Variants in DNAI4 observed in about 807,000 individuals in gnomAD.
DNAI4 encodes dynein axonemal intermediate chain 4.
DNAI4 carries 85 observed loss-of-function variants against 105.8 expected under a neutral mutation model. That is an observed-to-expected ratio of 0.80 (90% CI 0.67 to 0.96). The LOEUF (loss-of-function observed/expected upper bound fraction) is 0.96, where lower values mean the gene tolerates loss of function less well. Among genes scored for constraint, DNAI4 ranks in the 40% least tolerant of loss-of-function variants. The pLI, the probability that DNAI4 is intolerant of heterozygous loss-of-function variation, is 0.00. For missense variants in DNAI4, 1,014 were observed against 1,005.6 expected, an observed-to-expected ratio of 1.01 and a Z score of -0.11; for synonymous variants, 352 against 331.5, an observed-to-expected ratio of 1.06 and a Z score of -0.67.
rs1646063597 is a variant in DNAI4, at chr1:66,837,855, A to T, written c.1495-59T>A. On this transcript the variant is annotated intron_variant, in intron 9 of 16. Coordinates refer to ENST00000371026, the MANE Select transcript of DNAI4 (RefSeq NM_024763.5). ...GAAGATAGCATTAAAATATTGGTAA[A>T]TGTATAAAGATATATATTAATGAGC... 18 of 1,421,814 alleles carry T rather than the reference A, an allele frequency of 1.3e-5. No individual in the cohort carries two copies. In the South Asian group the frequency reaches 1.9e-4, roughly 15 times the overall value. 88.1% of individuals were successfully genotyped at this position (1,421,814 alleles called of 1,614,324 possible).
chr1:66,874,708 A>G, intron 5 of DNAI4, 73 bp downstream of exon 5: 1 of 1,505,856 alleles, frequency 6.6e-7, no homozygotes, highest in Non-Finnish European at 8.9e-7. Context: ...GACCCTTCAC[A>G]GAAACAAGGA....
At chr1:66,893,083 A>AAGAAAGAAAGAAAGAAAGAC (rs1647949815) in intron 3 of DNAI4, 146 bp downstream of exon 3, 1 of 392,104 alleles carries the variant, frequency 2.6e-6, no homozygotes, top group Non-Finnish European at 4.4e-6. Flanking sequence ...GAAAGAAAGA[A>AAGAAAGAAAGAAAGAAAGAC]AGAAAGAAAG....
rs3008851 is a variant in DNAI4, at chr1:66,916,889, C to T, written c.170+7773G>A. Among the ~76,000 whole-genome samples the T allele has an allele frequency of 3.8e-3, 565 of 147,456 alleles. 3 individuals are homozygous for T. Among genetic ancestry groups the T allele is most frequent in the African/African-American group, 0.013 (548 of 40,622 alleles). ...TTTCTCAAAGAATGAAGATTTTTGC[C>T]TTTTTTTTTTAATTCCTTATCACTT... On this transcript the variant is annotated intron_variant, in intron 1 of 16. Coordinates refer to ENST00000371026, the MANE Select transcript of DNAI4 (RefSeq NM_024763.5).
chr1:66,863,331 G>A (rs1347495929), intron 6 of DNAI4, among the ~76,000 whole-genome samples: 1 of 152,120 alleles, frequency 6.6e-6, no homozygotes, highest in Non-Finnish European at 1.5e-5. Context: ...AACAGAATGT[G>A]GATCTAATAA....
chr1:66,833,075 A>G (rs1316593366), intron 13 of DNAI4, among the ~76,000 whole-genome samples: 2 of 152,158 alleles, frequency 1.3e-5, no homozygotes, highest in African/African-American at 4.8e-5. Context: ...GAATTTTTCC[A>G]TAGTTACTCA....
At chr1:66,892,852 G>A (rs1369807746) in intron 3 of DNAI4, among the ~76,000 whole-genome samples, 3 of 151,466 alleles carry the variant, frequency 2.0e-5, no homozygotes, top group Non-Finnish European at 2.9e-5. Flanking sequence ...AGGTTGCAGT[G>A]AGCCAAGATG....
At chr1:66,864,502 A>G (rs542517534) in intron 6 of DNAI4, among the ~76,000 whole-genome samples, 2 of 152,344 alleles carry the variant, frequency 1.3e-5, no homozygotes, top group South Asian at 4.1e-4. Context: ...GAGGTAATGC[A>G]GAGGTGATAT....
At chr1:66,912,477 A>G (rs1313111592) in intron 1 of DNAI4, among the ~76,000 whole-genome samples, 1 of 152,072 alleles carries the variant, frequency 6.6e-6, no homozygotes, top group Non-Finnish European at 1.5e-5. Flanking sequence ...CTCAAAAAAA[A>G]AAAGAAACTC....
At chr1:66,870,009 G>A (rs533187372) in intron 6 of DNAI4, among the ~76,000 whole-genome samples, 4 of 152,292 alleles carry the variant, frequency 2.6e-5, no homozygotes, top group South Asian at 4.1e-4. Flanking sequence ...TAGGAGTAAG[G>A]AATAAATGCT....
intron 6 of DNAI4, chr1:66,870,662 T>C (rs1194177296): frequency 7.1e-6 from 1 of 141,572 alleles, no homozygotes; most frequent in Non-Finnish European, 1.5e-5. Flanking sequence ...AGGGGGAGAA[T>C]TGCTTGAACC....
intron 1 of DNAI4, among the ~76,000 whole-genome samples, chr1:66,921,747 CTCAT>C (rs1176064439): frequency 1.3e-5 from 2 of 152,110 alleles, no homozygotes; most frequent in Admixed American, 6.5e-5. Context: ...GAAGTAAACA[CTCAT>C]TCATTCAGCA....
chr1:66,913,487 T>C (rs1373425025), intron 1 of DNAI4, among the ~76,000 whole-genome samples: 1 of 152,202 alleles, frequency 6.6e-6, no homozygotes, highest in Non-Finnish European at 1.5e-5. Context: ...AAAGGGCATT[T>C]GCTCCTCCAA....
chr1:66,818,472 A>G (rs1057041425), intron 16 of DNAI4, among the ~76,000 whole-genome samples: 1 of 152,182 alleles, frequency 6.6e-6, no homozygotes, highest in Non-Finnish European at 1.5e-5. Context: ...ACTTAAAAAG[A>G]GAATAACAAA....
chr1:66,877,042 T>G (rs142661991), intron 4 of DNAI4, among the ~76,000 whole-genome samples: 24 of 152,308 alleles, frequency 1.6e-4, no homozygotes, highest in African/African-American at 5.5e-4. Context: ...TCATCATATT[T>G]ACCCTTATCA....
chr1:66,827,483 A>G (rs906846078), intron 14 of DNAI4, among the ~76,000 whole-genome samples: 6 of 152,042 alleles, frequency 3.9e-5, no homozygotes, highest in African/African-American at 1.5e-4. Flanking sequence ...AGTGAGACCC[A>G]TCTCTTAAAA....
chr1:66,911,560 G>GCATACCATTTGTATGC (rs1649658525), intron 1 of DNAI4, among the ~76,000 whole-genome samples: 1 of 152,162 alleles, frequency 6.6e-6, no homozygotes, highest in African/African-American at 2.4e-5. Context: ...GAAGGTACTA[G>GCATACCATTTGTATGC]TCATGGTCAA....
intron 13 of DNAI4, among the ~76,000 whole-genome samples, chr1:66,828,811 C>T (rs184901392): frequency 9.9e-4 from 150 of 152,152 alleles, no homozygotes; most frequent in African/African-American, 3.5e-3. Context: ...CCTTAAGGTC[C>T]TAGAGATATT....
At chr1:66,849,274 G>T (rs1438251991) in intron 7 of DNAI4, among the ~76,000 whole-genome samples, 1 of 150,832 alleles carries the variant, frequency 6.6e-6, no homozygotes, top group African/African-American at 2.4e-5. Flanking sequence ...TAGCCATGGT[G>T]TTGTCAATGG....
chr1:66,861,922 A>C (rs758119523), intron 7 of DNAI4, among the ~76,000 whole-genome samples: 24 of 152,220 alleles, frequency 1.6e-4, no homozygotes, highest in Non-Finnish European at 2.5e-4. Flanking sequence ...GTAAAGGTGC[A>C]CTAGAGAAAG....
Sources: gnomAD v4.1 joint callset for allele counts (sites outside exome capture counted in the v4.1 genomes callset) on GRCh38, gnomAD v4.1.1 for gene constraint, MANE v1.5 for transcripts, NCBI Gene and HGNC (gene_info 2026-07-23, HGNC 2026-07-21) for gene names.